SLCO4C1: variants seen among roughly 807,000 people sequenced by gnomAD.
SLCO4C1 encodes solute carrier organic anion transporter family member 4C1.
In SLCO4C1, 58 loss-of-function variants were observed where a neutral mutation model predicts 72.1. The observed-to-expected ratio is 0.80, with a 90% CI of 0.65 to 1.00. The LOEUF (loss-of-function observed/expected upper bound fraction) is 1.00. Among genes scored for constraint, SLCO4C1 ranks in the 50% least tolerant of loss-of-function variants. The pLI, the probability that SLCO4C1 is intolerant of heterozygous loss-of-function variation, is 0.00. For missense variants in SLCO4C1, 898 were observed against 857.9 expected (o/e 1.05, Z -0.58); for synonymous variants, 297 against 312.5 (o/e 0.95, Z 0.52).
chr5:102,252,054 G>GAGAAGGAAGGGAGAAAAGCA (rs1304330979), intron 8 of SLCO4C1, among the ~76,000 whole-genome samples: 3 of 150,952 alleles, frequency 2.0e-5, no homozygotes, highest in African/African-American at 7.3e-5. Context: ...GGAGAAAAGC[G>GAGAAGGAAGGGAGAAAAGCA]AGAAGGAAGG....
At chr5:102,262,260 A>T (rs932336082) in intron 4 of SLCO4C1, among the ~76,000 whole-genome samples, 1 of 152,220 alleles carries the variant, frequency 6.6e-6, no homozygotes, top group Admixed American at 6.5e-5. Context: ...AATATGACAC[A>T]AAAGTTTAAA....
Position 102,257,254 on chromosome 5 carries a change from A to G in SLCO4C1, c.1330T>C (p.Ser444Pro). ...LGQILGGFLV[S>P]KFRMTCKNTM... Reference sequence around the variant, plus strand: ...TTTTTACATGTCATTCTGAATTTTGAAACAAGGAAGCCACCTAAAATTTGA... The same window carrying G: ...TTTTTACATGTCATTCTGAATTTTGGAACAAGGAAGCCACCTAAAATTTGA... Residue 444 changes from serine (S) to proline (P), a missense_variant, in exon 8 of 13, where the codon TCA (serine) becomes CCA (proline). Transcript: ENST00000310954. The G allele has an allele frequency of 6.2e-7, 1 of 1,608,962 alleles. No individual in the cohort carries two copies. Among genetic ancestry groups the G allele is most frequent in the Non-Finnish European group, 8.5e-7 (1 of 1,178,048 alleles).
rs1580270605 is a variant in SLCO4C1, at chr5:102,291,388, G to GATA, written c.573_574insTAT (p.Leu191_Pro192insTyr). On this transcript the variant is annotated inframe_insertion, in exon 2 of 13. Coordinates refer to ENST00000310954, the MANE Select transcript of SLCO4C1 (RefSeq NM_180991.5). ...TTATATTCTCCACTGAAAAATTGTGGCAATGAGAATACAAGTGCTCCCAGT... is the reference window on the plus strand; with the variant it reads ...TTATATTCTCCACTGAAAAATTGTGGATACAATGAGAATACAAGTGCTCCCAGT... 2 of 1,614,004 alleles carry GATA rather than the reference G, an allele frequency of 1.2e-6. No individual in the cohort carries two copies. The highest frequency in any genetic ancestry group is 1.7e-6 in the Non-Finnish European group (2 of 1,179,978).
intron 9 of SLCO4C1, among the ~76,000 whole-genome samples, chr5:102,247,777 C>T (rs1230878304): frequency 1.3e-5 from 2 of 152,066 alleles, no homozygotes; most frequent in Non-Finnish European, 2.9e-5. Context: ...TTCTTAAAGT[C>T]ATTTTACATC....
intron 7 of SLCO4C1, among the ~76,000 whole-genome samples, chr5:102,257,592 T>C (rs1425328977): frequency 1.3e-5 from 2 of 150,322 alleles, no homozygotes; most frequent in Non-Finnish European, 3.0e-5. Flanking sequence ...AAATCAGAAA[T>C]TTTTACCAAA....
chr5:102,237,716 T>C (rs1483775210), intron 12 of SLCO4C1, among the ~76,000 whole-genome samples: 3 of 152,202 alleles, frequency 2.0e-5, no homozygotes, highest in African/African-American at 4.8e-5. Flanking sequence ...TTCTTGAACC[T>C]GAATAAATTG....
chr5:102,294,469 A>AGTG (rs1320040943), intron 1 of SLCO4C1, among the ~76,000 whole-genome samples: 2 of 152,228 alleles, frequency 1.3e-5, no homozygotes, highest in African/African-American at 2.4e-5. Flanking sequence ...AATTTTAGGC[A>AGTG]ATATTTTATA....
At chr5:102,266,001 T>C (rs1749031704) in intron 3 of SLCO4C1, among the ~76,000 whole-genome samples, 1 of 152,192 alleles carries the variant, frequency 6.6e-6, no homozygotes, top group African/African-American at 2.4e-5. Flanking sequence ...CAGTGTTTTG[T>C]AGTTTTCCTT....
chr5:102,251,457 C>T (rs1748737538), intron 8 of SLCO4C1, among the ~76,000 whole-genome samples: 1 of 152,108 alleles, frequency 6.6e-6, no homozygotes, highest in South Asian at 2.1e-4. Context: ...GATGACTCTT[C>T]CTGTTAAAAA....
chr5:102,247,497 T>G, intron 9 of SLCO4C1, 55 bp from the exon 10 acceptor site: 1 of 1,240,050 alleles, frequency 8.1e-7, no homozygotes. Context: ...AATAAATTAT[T>G]GTAAATTAGG....
At chr5:102,295,808 C>T in intron 1 of SLCO4C1, 100 bp downstream of exon 1, 3 of 1,230,906 alleles carry the variant, frequency 2.4e-6, no homozygotes, top group Non-Finnish European at 3.3e-6. Context: ...GCGCGTCCAC[C>T]GTCCCACGGA....
At chr5:102,287,789 T>C (rs896849861) in intron 2 of SLCO4C1, among the ~76,000 whole-genome samples, 13 of 151,898 alleles carry the variant, frequency 8.6e-5, no homozygotes. Context: ...CTCCTGACCT[T>C]GTGATCCGCC....
chr5:102,238,742 C>T (rs374063552), intron 12 of SLCO4C1, among the ~76,000 whole-genome samples: 6 of 152,052 alleles, frequency 3.9e-5, no homozygotes, highest in African/African-American at 1.4e-4. Flanking sequence ...CCTTAAATTT[C>T]ATTCATTGCT....
At chr5:102,240,407 G>A (rs1030237) in intron 11 of SLCO4C1, among the ~76,000 whole-genome samples, 92,010 of 151,856 alleles carry the variant, frequency 0.61, 28,194 homozygotes, top group African/African-American at 0.66. Context: ...ATAGTGTCAC[G>A]AATAGAGACA....
At chr5:102,267,726 TTTTA>T (rs1453594882) in intron 3 of SLCO4C1, among the ~76,000 whole-genome samples, 2 of 151,956 alleles carry the variant, frequency 1.3e-5, no homozygotes, top group Non-Finnish European at 2.9e-5. Flanking sequence ...TGAAATCTAT[TTTTA>T]TGATGTAGGT....
At chr5:102,256,714 T>C (rs1367175388) in intron 8 of SLCO4C1, among the ~76,000 whole-genome samples, 1 of 152,230 alleles carries the variant, frequency 6.6e-6, no homozygotes, top group East Asian at 1.9e-4. Context: ...TCTCTTCTTG[T>C]CTGTTTGCAA....
intron 1 of SLCO4C1, among the ~76,000 whole-genome samples, chr5:102,293,795 C>T (rs1361793607): frequency 6.6e-6 from 1 of 152,102 alleles, no homozygotes; most frequent in Admixed American, 6.5e-5. Flanking sequence ...AGTGCAGTGG[C>T]GCCATCTCGG....
At chr5:102,278,630 A>T (rs574930821) in intron 2 of SLCO4C1, among the ~76,000 whole-genome samples, 466 of 152,332 alleles carry the variant, frequency 3.1e-3, no homozygotes, top group Non-Finnish European at 5.2e-3. Context: ...CAAATCCTAC[A>T]TAGTATGTTT....
In SLCO4C1 at chr5:102,236,760, A is replaced by T; in HGVS notation, c.*98T>A. 8.4e-7 allele frequency: 1 copy of T among 1,197,352 alleles called. No homozygotes were observed. Among genetic ancestry groups the T allele is most frequent in the East Asian group, 2.4e-5 (1 of 41,394 alleles). The allele number at this position is 1,197,352 out of a possible 1,614,324, so 74.2% of individuals were successfully genotyped here. On this transcript the variant is annotated 3_prime_UTR_variant, in exon 13 of 13. Transcript: ENST00000310954. ...TAAAAACATCAATTTTGTAAATATG[A>T]TTGTCCATATTGGATAGATAATCCT...
Sources: gnomAD v4.1 joint callset for allele counts (sites outside exome capture counted in the v4.1 genomes callset) on GRCh38, gnomAD v4.1.1 for gene constraint, MANE v1.5 for transcripts, NCBI Gene and HGNC (gene_info 2026-07-23, HGNC 2026-07-21) for gene names.